ZBTB20: variants seen among roughly 807,000 people sequenced by gnomAD.
ZBTB20 encodes zinc finger and BTB domain containing 20.
Under a neutral mutation model 56.9 loss-of-function variants are expected in ZBTB20, and 9 were observed. That is an observed-to-expected ratio of 0.16 (90% confidence interval 0.10 to 0.28). The LOEUF is 0.28. ZBTB20 is among the 10% of genes least tolerant of loss of function. ZBTB20 has a pLI of 1.00. For synonymous variants in ZBTB20, 417 were observed against 420.7 expected, an observed-to-expected ratio of 0.99 and a Z score of 0.11; for missense variants, 655 against 1,003.0, an observed-to-expected ratio of 0.65 and a Z score of 4.69.
At chr3:114,821,951 G>A (rs1033130530) in intron 4 of ZBTB20, among the ~76,000 whole-genome samples, 3 of 151,816 alleles carry the variant, frequency 2.0e-5, no homozygotes, top group Non-Finnish European at 2.9e-5. Context: ...TCAACACTAC[G>A]GGTAAGGGAA....
intron 4 of ZBTB20, among the ~76,000 whole-genome samples, chr3:114,875,603 A>G (rs1339124115): frequency 5.9e-5 from 9 of 152,210 alleles, no homozygotes; most frequent in African/African-American, 2.2e-4. Flanking sequence ...ATAGAAGCAT[A>G]GAGAGAGTTA....
At chr3:115,099,452 C>T (rs903762322) in intron 1 of ZBTB20, among the ~76,000 whole-genome samples, 2 of 152,104 alleles carry the variant, frequency 1.3e-5, no homozygotes, top group South Asian at 4.1e-4. Flanking sequence ...ATGTAAAAGC[C>T]CATCTGCAAA....
intron 6 of ZBTB20, among the ~76,000 whole-genome samples, chr3:114,592,108 C>A (rs1186380828): frequency 2.6e-5 from 4 of 152,240 alleles, no homozygotes; most frequent in African/African-American, 9.6e-5. Flanking sequence ...CAGGACCGAC[C>A]TCAATAGCAT....
chr3:114,433,360 A>G (rs534450214), intron 7 of ZBTB20, among the ~76,000 whole-genome samples: 1 of 152,206 alleles, frequency 6.6e-6, no homozygotes, highest in African/African-American at 2.4e-5. Flanking sequence ...TTTATTCTAT[A>G]CTTTTAATAA....
intron 7 of ZBTB20, among the ~76,000 whole-genome samples, chr3:114,473,410 AT>A (rs1169834287): frequency 1.3e-5 from 2 of 152,258 alleles, no homozygotes; most frequent in African/African-American, 2.4e-5. Flanking sequence ...TGAGTGAGTC[AT>A]GAAAAATGCA....
In ZBTB20 at chr3:114,922,607, A is replaced by C. The variant is rs76034545; in HGVS notation, c.-455-22265T>G. ...TATTACCTAAGGCTGGGTAATTTAT[A>C]AAGAGAAAAAGTTTTTTTGGCTCAT... On this transcript the variant is annotated intron_variant, in intron 3 of 11. Transcript: ENST00000675478. Among the ~76,000 whole-genome samples the C allele has an allele frequency of 9.9e-3, 1,515 of 152,304 alleles. 9 individuals are homozygous for C. The highest frequency in any genetic ancestry group is 0.018 in the South Asian group (87 of 4,824).
intron 4 of ZBTB20, among the ~76,000 whole-genome samples, chr3:114,884,705 A>G (rs907116598): frequency 6.6e-6 from 1 of 152,214 alleles, no homozygotes; most frequent in Admixed American, 6.5e-5. Flanking sequence ...AGAGATAACT[A>G]TATATTCCGA....
intron 4 of ZBTB20, among the ~76,000 whole-genome samples, chr3:114,823,338 T>C (rs2073354985): frequency 6.6e-6 from 1 of 152,102 alleles, no homozygotes; most frequent in Admixed American, 6.6e-5. Context: ...CTGGATGATC[T>C]CTATAAAGGT....
rs35666565 is a variant in ZBTB20 at position 114,331,210 on chromosome 3, G to A, written c.*7795C>T. On this transcript the variant is annotated 3_prime_UTR_variant, in exon 12 of 12. Transcript: ENST00000675478. ...GATGGCTCAGGCCAAAGTTTGTGTG[G>A]GCTTTGCCTGCCTGGCATTGGTCCC... 66,435 of 152,030 alleles carry A rather than the reference G, an allele frequency of 0.44. 15,157 individuals are homozygous for A. The highest frequency in any genetic ancestry group is 0.83 in the East Asian group (4,302 of 5,170). 9.4% of individuals were successfully genotyped at this position (152,030 alleles called of 1,614,324 possible).
intron 2 of ZBTB20, among the ~76,000 whole-genome samples, chr3:115,028,987 C>T (rs2080546717): frequency 1.3e-5 from 2 of 150,282 alleles, no homozygotes; most frequent in African/African-American, 4.9e-5. Context: ...GAACTATAAA[C>T]ATGAGAAAGG....
chr3:114,788,685 T>C (rs1052660155), intron 5 of ZBTB20, among the ~76,000 whole-genome samples: 1 of 152,164 alleles, frequency 6.6e-6, no homozygotes, highest in African/African-American at 2.4e-5. Flanking sequence ...TTTAGGAATA[T>C]AGGACATTTC....
intron 3 of ZBTB20, among the ~76,000 whole-genome samples, chr3:114,924,577 G>A (rs749181170): frequency 1.3e-5 from 2 of 152,178 alleles, no homozygotes; most frequent in Non-Finnish European, 2.9e-5. Flanking sequence ...ATAAGGAGAT[G>A]TTGATTAAAG....
At chr3:114,905,398 T>C (rs1388541485) in intron 3 of ZBTB20, among the ~76,000 whole-genome samples, 1 of 151,906 alleles carries the variant, frequency 6.6e-6, no homozygotes, top group Admixed American at 6.6e-5. Context: ...CAGAATCTGA[T>C]ATCCTGTGTC....
At chr3:114,618,818 T>C (rs1311179601) in intron 6 of ZBTB20, among the ~76,000 whole-genome samples, 1 of 152,210 alleles carries the variant, frequency 6.6e-6, no homozygotes, top group Non-Finnish European at 1.5e-5. Flanking sequence ...AACAGACAAT[T>C]CTTTGCACTT....
chr3:114,834,074 T>G (rs2073995856), intron 4 of ZBTB20, among the ~76,000 whole-genome samples: 1 of 152,286 alleles, frequency 6.6e-6, no homozygotes, highest in East Asian at 1.9e-4. Context: ...CCATTTTCTG[T>G]GTATATTGCT....
chr3:115,112,203 T>C (rs2083899145), intron 1 of ZBTB20, among the ~76,000 whole-genome samples: 1 of 152,196 alleles, frequency 6.6e-6, no homozygotes, highest in African/African-American at 2.4e-5. Context: ...TATTTATACA[T>C]ATTTATGGGG....
intron 1 of ZBTB20, among the ~76,000 whole-genome samples, chr3:115,124,461 T>C (rs1186080609): frequency 1.3e-5 from 2 of 152,204 alleles, no homozygotes; most frequent in African/African-American, 4.8e-5. Flanking sequence ...AACTAGGTTG[T>C]ATATATAAAA....
chr3:114,489,741 A>C (rs2042523325), intron 7 of ZBTB20, among the ~76,000 whole-genome samples: 1 of 152,194 alleles, frequency 6.6e-6, no homozygotes, highest in African/African-American at 2.4e-5. Flanking sequence ...TATTAAAAAA[A>C]AGCTGTTTTG....
At chr3:114,790,093 G>A (rs2070830482) in intron 5 of ZBTB20, among the ~76,000 whole-genome samples, 1 of 152,080 alleles carries the variant, frequency 6.6e-6, no homozygotes, top group Non-Finnish European at 1.5e-5. Context: ...AAATGAATCA[G>A]TCTGCTTACA....
Sources: gnomAD v4.1 joint callset for allele counts (sites outside exome capture counted in the v4.1 genomes callset) on GRCh38, gnomAD v4.1.1 for gene constraint, MANE v1.5 for transcripts, NCBI Gene and HGNC (gene_info 2026-07-23, HGNC 2026-07-21) for gene names.